The following ELMO1 variants were observed in gnomAD, a reference collection of about 807,000 sequenced individuals.
ELMO1 encodes the protein engulfment and cell motility protein 1.
A neutral mutation model predicts 98.9 loss-of-function variants in ELMO1; 26 were observed. That is an observed-to-expected ratio of 0.26 (90% CI 0.19 to 0.36). The LOEUF (loss-of-function observed/expected upper bound fraction) is 0.36, where lower values mean the gene tolerates loss of function less well. Among genes scored for constraint, ELMO1 ranks in the 10% least tolerant of loss-of-function variants. The pLI, the probability that ELMO1 is intolerant of heterozygous loss-of-function variation, is 1.00. For synonymous variants in ELMO1, 346 were observed against 346.0 expected (o/e 1.00, Z 0.00); for missense variants, 627 against 935.2 (o/e 0.67, Z 4.30).
intron 15 of ELMO1, among the ~76,000 whole-genome samples, chr7:37,018,127 TA>T (rs998908079): frequency 7.1e-5 from 10 of 140,952 alleles, no homozygotes; most frequent in African/African-American, 2.9e-4. Flanking sequence ...TATTAGTTAC[TA>T]TTTTTTTTTT....
intron 15 of ELMO1, among the ~76,000 whole-genome samples, chr7:37,089,090 C>T (rs1559463): frequency 0.26 from 39,121 of 152,058 alleles, 7,149 homozygotes; most frequent in African/African-American, 0.52. Context: ...ATGAAAGTGA[C>T]GGATGGTACT....
At chr7:37,443,963 G>C (rs1234470656) in intron 1 of ELMO1, among the ~76,000 whole-genome samples, 1 of 152,116 alleles carries the variant, frequency 6.6e-6, no homozygotes, top group Admixed American at 6.5e-5. Context: ...GGAGCACCGT[G>C]GTGAGATCAC....
intron 16 of ELMO1, among the ~76,000 whole-genome samples, chr7:36,947,186 T>C (rs10253939): frequency 0.48 from 72,699 of 152,020 alleles, 19,092 homozygotes; most frequent in African/African-American, 0.69. Context: ...GTGTACCCAA[T>C]GTTTAGCTCT....
intron 16 of ELMO1, among the ~76,000 whole-genome samples, chr7:36,901,257 C>A (rs73106611): frequency 6.6e-6 from 1 of 152,000 alleles, no homozygotes; most frequent in Admixed American, 6.6e-5. Context: ...TGAGTGGTGT[C>A]GTGCATATTA....
rs145747713 is a variant in ELMO1 at position 37,374,920 on chromosome 7, C to T, written c.-73-32157G>A. Among the ~76,000 whole-genome samples, 1,235 of 149,208 alleles carry T rather than the reference C, an allele frequency of 8.3e-3. 8 individuals carry two copies. Among genetic ancestry groups the T allele is most frequent in the Non-Finnish European group, 0.013 (863 of 67,232 alleles). On this transcript the variant is annotated intron_variant, in intron 1 of 21. Coordinates refer to ENST00000310758, the MANE Select transcript of ELMO1 (RefSeq NM_014800.11). ...ACTAAAAATACAAAAATTAGCCGGGCGTGGTGATGCATGCCTGTAATCCCA... is the reference window on the plus strand; with the variant it reads ...ACTAAAAATACAAAAATTAGCCGGGTGTGGTGATGCATGCCTGTAATCCCA...
Position 37,180,741 on chromosome 7 carries a change from C to T in ELMO1, c.1086+30645G>A, listed in dbSNP as rs975734377. 2.0e-5 allele frequency among the ~76,000 whole-genome samples: 3 copies of T among 152,142 alleles called. No homozygotes were observed. The East Asian group carries it at 5.8e-4, about 29-fold the overall frequency. ...AGGGACACAATGTCTCCAGCATGCT[C>T]TAAAGTGTTTTTTTGGGGAAAAATA... On this transcript the variant is annotated intron_variant, in intron 13 of 21. Coordinates refer to ENST00000310758, the MANE Select transcript of ELMO1 (RefSeq NM_014800.11).
At chr7:36,868,848 T>C (rs1803266605) in intron 20 of ELMO1, among the ~76,000 whole-genome samples, 1 of 152,178 alleles carries the variant, frequency 6.6e-6, no homozygotes, top group Non-Finnish European at 1.5e-5. Flanking sequence ...CCCCTATTAT[T>C]GCCAATTTCT....
intron 15 of ELMO1, among the ~76,000 whole-genome samples, chr7:37,029,433 T>C (rs1794758017): frequency 6.6e-6 from 1 of 151,716 alleles, no homozygotes; most frequent in Non-Finnish European, 1.5e-5. Context: ...ACGGCGATTA[T>C]GAAGATTATG....
At chr7:37,314,072 A>C (rs1217027947) in intron 4 of ELMO1, among the ~76,000 whole-genome samples, 1 of 152,226 alleles carries the variant, frequency 6.6e-6, no homozygotes. Context: ...AAAATCAAAG[A>C]AGCACAAAAG....
chr7:36,858,566 T>A (rs771006415), intron 21 of ELMO1, among the ~76,000 whole-genome samples: 2 of 152,214 alleles, frequency 1.3e-5, no homozygotes, highest in Non-Finnish European at 2.9e-5. Flanking sequence ...GACTTAAGGT[T>A]GCTATCCGCT....
intron 16 of ELMO1, among the ~76,000 whole-genome samples, chr7:36,998,097 G>C (rs1792355485): frequency 6.6e-6 from 1 of 151,970 alleles, no homozygotes; most frequent in South Asian, 2.1e-4. Context: ...GAATGATTTT[G>C]GTATATTTTT....
chr7:37,368,662 T>C (rs1562647081), intron 1 of ELMO1, among the ~76,000 whole-genome samples: 1 of 152,206 alleles, frequency 6.6e-6, no homozygotes, highest in Non-Finnish European at 1.5e-5. Flanking sequence ...GCTTTTCATC[T>C]ATTCTCCTAA....
rs758683728 is a variant in ELMO1, at chr7:37,271,911, T to C, written c.193-29A>G. On this transcript the variant is annotated intron_variant, in intron 4 of 21. Transcript: ENST00000310758. Reference sequence around the variant, plus strand: ...GAAAAGAAGAAAAAATCTTTGTAAATTTTCAAGTAGAAGCTTGGTAAAGAA... The same window carrying C: ...GAAAAGAAGAAAAAATCTTTGTAAACTTTCAAGTAGAAGCTTGGTAAAGAA... The C allele has an allele frequency of 6.8e-6, 11 of 1,607,166 alleles. No individual in the cohort carries two copies. In the South Asian group the frequency reaches 1.2e-4, roughly 18 times the overall value.
intron 13 of ELMO1, among the ~76,000 whole-genome samples, chr7:37,135,836 G>T (rs561736920): frequency 6.6e-6 from 1 of 152,248 alleles, no homozygotes; most frequent in South Asian, 2.1e-4. Flanking sequence ...TATCTCAAAA[G>T]ATCATACTAG....
At chr7:37,030,302 T>C in intron 15 of ELMO1, among the ~76,000 whole-genome samples, 1 of 152,174 alleles carries the variant, frequency 6.6e-6, no homozygotes, top group East Asian at 1.9e-4. Context: ...TCCTCACAGA[T>C]ATTTTATTTC....
intron 15 of ELMO1, among the ~76,000 whole-genome samples, chr7:37,081,505 A>C (rs1200795079): frequency 6.6e-6 from 1 of 152,150 alleles, no homozygotes; most frequent in Admixed American, 6.5e-5. Context: ...CATCATTCCC[A>C]TGTGTTGTGG....
chr7:37,028,075 A>T (rs918344168), intron 15 of ELMO1, among the ~76,000 whole-genome samples: 4 of 151,840 alleles, frequency 2.6e-5, no homozygotes, highest in African/African-American at 9.7e-5. Context: ...TTTAATCTTC[A>T]TAACAGTTCC....
At chr7:37,259,074 A>C (rs753045653) in intron 6 of ELMO1, 107 bp downstream of exon 6, 16 of 1,306,768 alleles carry the variant, frequency 1.2e-5, no homozygotes, top group Non-Finnish European at 1.6e-5. Context: ...GAGTCTAACC[A>C]AGGCTCTGGT....
chr7:37,178,763 C>T (rs1790657232), intron 13 of ELMO1, among the ~76,000 whole-genome samples: 1 of 152,184 alleles, frequency 6.6e-6, no homozygotes, highest in African/African-American at 2.4e-5. Flanking sequence ...CTCCAAAAAC[C>T]TATAACCCCA....
Sources: gnomAD v4.1 joint callset for allele counts (sites outside exome capture counted in the v4.1 genomes callset) on GRCh38, gnomAD v4.1.1 for gene constraint, MANE v1.5 for transcripts, NCBI Gene and HGNC (gene_info 2026-07-23, HGNC 2026-07-21) for gene names.